CABLES1: variants seen among roughly 807,000 people sequenced by gnomAD.
CABLES1 encodes CDK5 and ABL1 enzyme substrate 1.
A neutral mutation model predicts 57.8 loss-of-function variants in CABLES1; 36 were observed. That is an observed-to-expected ratio of 0.62 (90% CI 0.48 to 0.82). CABLES1 has a LOEUF of 0.82. Ranked by LOEUF, CABLES1 falls within the 40% of genes least tolerant of loss-of-function variation. The probability of loss-of-function intolerance (pLI) is 0.00; values close to 1 mark genes in which losing one functional copy is unlikely to be tolerated. For missense variants in CABLES1, 767 were observed against 836.6 expected (o/e 0.92, Z 1.03); for synonymous variants, 374 against 363.0 (o/e 1.03, Z -0.35).
At chr18:23,138,905 C>T (rs904554767) in intron 1 of CABLES1, among the ~76,000 whole-genome samples, 8 of 152,206 alleles carry the variant, frequency 5.3e-5, no homozygotes, top group African/African-American at 1.9e-4. Context: ...GCACCTTCAG[C>T]TTCACTGGGA....
chr18:23,209,656 G>C (rs945026972), intron 3 of CABLES1, among the ~76,000 whole-genome samples: 1 of 152,112 alleles, frequency 6.6e-6, no homozygotes, highest in Admixed American at 6.5e-5. Context: ...ATGTCCTTAA[G>C]AGAATATTTC....
At chr18:23,146,071 C>T (rs2046889965) in intron 1 of CABLES1, among the ~76,000 whole-genome samples, 1 of 152,172 alleles carries the variant, frequency 6.6e-6, no homozygotes, top group African/African-American at 2.4e-5. Context: ...TCAAAAATGC[C>T]AAAAATGTTT....
intron 4 of CABLES1, chr18:23,219,047 A>AC (rs201981403): frequency 0.033 from 12,392 of 379,640 alleles, 269 homozygotes; most frequent in Middle Eastern, 0.06. Context: ...CTTTATCCCC[A>AC]CCCCCCCGCA....
At chr18:23,178,109 GC>G (rs1456345223) in intron 1 of CABLES1, among the ~76,000 whole-genome samples, 6 of 151,980 alleles carry the variant, frequency 3.9e-5, no homozygotes, top group Non-Finnish European at 8.8e-5. Flanking sequence ...TCCTGGCTGG[GC>G]CCCCACTTTT....
In CABLES1 at chr18:23,178,152, GT is replaced by G. The variant is rs1286846979; in HGVS notation, c.846-10684del. ...CACCCCCTCCATGAGTATCCAATGT[GT>G]TCTGTAGCAAGATCAAAGCGGTTTA... On this transcript the variant is annotated intron_variant, in intron 1 of 9. Coordinates refer to ENST00000256925, the MANE Select transcript of CABLES1 (RefSeq NM_001100619.3). Among the ~76,000 whole-genome samples the G allele has an allele frequency of 2.0e-5, 3 of 151,090 alleles. No individual in the cohort carries two copies. In the East Asian group the frequency reaches 5.9e-4, roughly 29 times the overall value.
chr18:23,255,286 C>T (rs908769072), intron 9 of CABLES1, among the ~76,000 whole-genome samples: 3 of 151,816 alleles, frequency 2.0e-5, no homozygotes, highest in South Asian at 2.1e-4. Context: ...CATCAGAATA[C>T]AGAAAATAAA....
chr18:23,190,830 C>T (rs1182924377), intron 2 of CABLES1, among the ~76,000 whole-genome samples: 1 of 152,088 alleles, frequency 6.6e-6, no homozygotes, highest in Non-Finnish European at 1.5e-5. Context: ...CATCCTAGCA[C>T]TTGGGGAGGT....
chr18:23,155,050 T>C (rs1013258310), intron 1 of CABLES1, among the ~76,000 whole-genome samples: 2 of 152,132 alleles, frequency 1.3e-5, no homozygotes, highest in African/African-American at 2.4e-5. Flanking sequence ...TCGGAAGCAA[T>C]AGGAACAATA....
intron 1 of CABLES1, among the ~76,000 whole-genome samples, chr18:23,184,946 C>T (rs1246453878): frequency 6.6e-6 from 1 of 152,142 alleles, no homozygotes; most frequent in African/African-American, 2.4e-5. Context: ...CCCACAGACC[C>T]CACCACCTCA....
chr18:23,202,260 G>A (rs1322662339), intron 3 of CABLES1, among the ~76,000 whole-genome samples: 1 of 152,224 alleles, frequency 6.6e-6, no homozygotes, highest in East Asian at 1.9e-4. Flanking sequence ...TGTAGAAAAT[G>A]AGAGGGTGGG....
At position 23,135,680 on chromosome 18, in the gene CABLES1, G is replaced by C; in HGVS notation, c.-83G>C. ...CCCCGCGCCCTACCCAGCCCGGGTCGCCGCCGCTCGCGCCCGCCGCTTAGC... is the reference window on the plus strand; with the variant it reads ...CCCCGCGCCCTACCCAGCCCGGGTCCCCGCCGCTCGCGCCCGCCGCTTAGC... On this transcript the variant is annotated 5_prime_UTR_variant, in exon 1 of 10. Coordinates refer to ENST00000256925, the MANE Select transcript of CABLES1 (RefSeq NM_001100619.3). 1 of 980,620 alleles carries C rather than the reference G, an allele frequency of 1.0e-6. No homozygotes were observed. The highest frequency in any genetic ancestry group is 1.2e-6 in the Non-Finnish European group (1 of 827,558). 60.7% of individuals were successfully genotyped at this position (980,620 alleles called of 1,614,324 possible).
intron 1 of CABLES1, among the ~76,000 whole-genome samples, chr18:23,148,116 A>G (rs988637995): frequency 2.7e-5 from 4 of 150,552 alleles, no homozygotes; most frequent in Non-Finnish European, 5.9e-5. Context: ...CAGCCTCCCG[A>G]GTAGCTGGGA....
At chr18:23,230,647 C>T (rs2047561007) in intron 4 of CABLES1, among the ~76,000 whole-genome samples, 1 of 152,142 alleles carries the variant, frequency 6.6e-6, no homozygotes, top group African/African-American at 2.4e-5. Context: ...GTGTGACTAG[C>T]TTTGGCGTAC....
intron 1 of CABLES1, among the ~76,000 whole-genome samples, chr18:23,182,636 A>G (rs765082131): frequency 2.6e-5 from 4 of 152,338 alleles, no homozygotes; most frequent in Non-Finnish European, 4.4e-5. Context: ...GAGAGCATCA[A>G]TCTACGCTAC....
intron 3 of CABLES1, chr18:23,196,895 A>C (rs1260736345): frequency 6.6e-6 from 1 of 152,338 alleles, no homozygotes; most frequent in African/African-American, 2.4e-5. Context: ...CCAGGCTCTC[A>C]GTCTGCGGGC....
At position 23,253,736 on chromosome 18, in the gene CABLES1, C is replaced by A. The variant is rs780513398; in HGVS notation, c.1561C>A (p.Arg521=). Reference sequence around the variant, plus strand: ...TTGCCTGTCTTTCTCCAGTCTGAAACGAGAGATGCGGAAGCTTGCGCAGGA... The same window carrying A: ...TTGCCTGTCTTTCTCCAGTCTGAAAAGAGAGATGCGGAAGCTTGCGCAGGA... ...LTLSKIRSLK[R]EMRKLAQEDC... The change falls in exon 9 of 10, where the codon CGA becomes AGA. Residue 521 remains arginine (R), a synonymous_variant. Transcript: ENST00000256925. The A allele has an allele frequency of 1.8e-5, 29 of 1,613,846 alleles. No homozygotes were observed. In the South Asian group the frequency reaches 3.0e-4, roughly 16 times the overall value.
At chr18:23,154,467 G>A (rs2046953006) in intron 1 of CABLES1, among the ~76,000 whole-genome samples, 2 of 152,140 alleles carry the variant, frequency 1.3e-5, no homozygotes, top group South Asian at 4.1e-4. Flanking sequence ...ATCTTCTTGA[G>A]CCTTTGTTAT....
intron 3 of CABLES1, among the ~76,000 whole-genome samples, chr18:23,200,003 T>A (rs2047311972): frequency 6.6e-6 from 1 of 152,110 alleles, no homozygotes; most frequent in South Asian, 2.1e-4. Context: ...TTTAACTTCC[T>A]CACCAAGTAG....
intron 1 of CABLES1, among the ~76,000 whole-genome samples, chr18:23,179,481 G>A (rs1203858569): frequency 6.6e-6 from 1 of 152,198 alleles, no homozygotes; most frequent in Non-Finnish European, 1.5e-5. Context: ...TTGAGGCTCG[G>A]GGAGGAGGTT....
Sources: gnomAD v4.1 joint callset for allele counts (sites outside exome capture counted in the v4.1 genomes callset) on GRCh38, gnomAD v4.1.1 for gene constraint, MANE v1.5 for transcripts, NCBI Gene and HGNC (gene_info 2026-07-23, HGNC 2026-07-21) for gene names.